Variants in RAP1GAP2 observed in about 807,000 individuals in gnomAD.
The protein encoded by RAP1GAP2 is RAP1 GTPase activating protein 2, also known as rap1 GTPase-activating protein 2.
In RAP1GAP2, 27 loss-of-function variants were observed where a neutral mutation model predicts 95.0. The observed-to-expected ratio is 0.28, with a 90% CI of 0.21 to 0.39. The LOEUF (loss-of-function observed/expected upper bound fraction) is 0.39, where lower values mean the gene tolerates loss of function less well. Among genes scored for constraint, RAP1GAP2 ranks in the 10% least tolerant of loss-of-function variants. The probability of loss-of-function intolerance (pLI) is 1.00; values close to 1 mark genes in which losing one functional copy is unlikely to be tolerated. For missense variants in RAP1GAP2, 771 were observed against 970.0 expected, an observed-to-expected ratio of 0.79 and a Z score of 2.72; for synonymous variants, 373 against 380.9, an observed-to-expected ratio of 0.98 and a Z score of 0.24.
rs1283926433 is a variant in RAP1GAP2, at chr17:2,857,465, G to A, written c.81-47819G>A. Among the ~76,000 whole-genome samples, 2 of 152,292 alleles carry A rather than the reference G, an allele frequency of 1.3e-5. No individual in the cohort carries two copies. Among genetic ancestry groups the A allele is most frequent in the South Asian group, 2.1e-4 (1 of 4,834 alleles). On this transcript the variant is annotated intron_variant, in intron 2 of 24. Coordinates refer to ENST00000254695, the MANE Select transcript of RAP1GAP2 (RefSeq NM_015085.5). The surrounding 1 kb of genome is among the most constrained non-coding windows in gnomAD (Gnocchi z 4.0). ...GCTCCAGGCTCCAACTTCAATTTCC[G>A]TTTTCGAGAAATGGGCGTGGTGATC... is the stretch of plus-strand genomic sequence containing the variant.
rs919273491 is a variant in RAP1GAP2 at position 2,855,604 on chromosome 17, T to TTTTATTTATTTA, written c.81-49668_81-49657dup. On this transcript the variant is annotated intron_variant, in intron 2 of 24. Transcript: ENST00000254695. This position sits in a 1 kb window ranked among gnomAD's most constrained non-coding sequence, Gnocchi z 4.3. ...ATATGAAGTCACAAGAATTAATCTA[T>TTTTATTTATTTA]TTTATTTATTTATTTATTTATTTTT... 5.1e-4 allele frequency among the ~76,000 whole-genome samples: 78 copies of TTTTATTTATTTA among 152,240 alleles called. No homozygotes were observed. Among genetic ancestry groups the TTTTATTTATTTA allele is most frequent in the African/African-American group, 1.6e-3 (65 of 41,548 alleles).
chr17:2,979,006 T>A (rs7211054), intron 8 of RAP1GAP2, among the ~76,000 whole-genome samples: 11,342 of 151,308 alleles, frequency 0.075, 1,254 homozygotes, highest in African/African-American at 0.24. Flanking sequence ...ATAAAAAAAA[T>A]AAAAAAATTC....
intron 2 of RAP1GAP2, among the ~76,000 whole-genome samples, chr17:2,771,592 C>T (rs760694589): frequency 2.7e-5 from 4 of 148,640 alleles, no homozygotes; most frequent in Admixed American, 6.8e-5. Context: ...CTCCTGGAGG[C>T]GATTCTCCTG....
intron 3 of RAP1GAP2, among the ~76,000 whole-genome samples, chr17:2,950,608 T>A (rs893543119): frequency 1.4e-4 from 2 of 14,206 alleles, no homozygotes; most frequent in South Asian, 5.4e-3. Context: ...TGCTTCAATT[T>A]TTTTTTTTTT....
intron 2 of RAP1GAP2, among the ~76,000 whole-genome samples, chr17:2,771,874 A>G (rs2068405808): frequency 6.6e-6 from 1 of 152,134 alleles, no homozygotes; most frequent in Non-Finnish European, 1.5e-5. Context: ...GAGATAAGTG[A>G]CTGAATTCAT....
intron 12 of RAP1GAP2, 119 bp from the exon 13 acceptor site, chr17:2,995,218 G>A: frequency 7.8e-7 from 1 of 1,288,832 alleles, no homozygotes; most frequent in South Asian, 1.3e-5. Context: ...TCTGCCCTCA[G>A]CTCTCCTGTC....
At chr17:3,019,624 T>C (rs2046887577) in intron 18 of RAP1GAP2, among the ~76,000 whole-genome samples, 1 of 152,230 alleles carries the variant, frequency 6.6e-6, no homozygotes, top group Non-Finnish European at 1.5e-5. Flanking sequence ...ATTATGAGTA[T>C]TATAAATGGC....
In RAP1GAP2 at chr17:2,903,482, G is replaced by A. The variant is rs2042091181; in HGVS notation, c.81-1802G>A. 6.6e-6 allele frequency among the ~76,000 whole-genome samples: 1 copy of A among 152,194 alleles called. No individual in the cohort carries two copies. The highest frequency in any genetic ancestry group is 6.5e-5 in the Admixed American group (1 of 15,282). Reference sequence around the variant, plus strand: ...TGAGAGGTAGCAGGAGCTGGTGCCTGCTTTTGTGTGTGTGTGAGAGTGTGT... The same window carrying A: ...TGAGAGGTAGCAGGAGCTGGTGCCTACTTTTGTGTGTGTGTGAGAGTGTGT... On this transcript the variant is annotated intron_variant, in intron 2 of 24. Transcript: ENST00000254695. The surrounding 1 kb of genome is among the most constrained non-coding windows in gnomAD (Gnocchi z 4.1).
chr17:2,800,430 C>T, intron 1 of RAP1GAP2, 85 bp from the exon 2 acceptor site: 1 of 1,035,866 alleles, frequency 9.7e-7, no homozygotes. Flanking sequence ...GTGGTTTGGG[C>T]TGTCCCGGGG....
At chr17:2,978,012 T>G (rs1322114797) in intron 8 of RAP1GAP2, among the ~76,000 whole-genome samples, 1 of 152,108 alleles carries the variant, frequency 6.6e-6, no homozygotes, top group Non-Finnish European at 1.5e-5. Context: ...AACACATCTG[T>G]TTATATCTTT....
chr17:2,877,051 G>A (rs1249384517), intron 2 of RAP1GAP2, among the ~76,000 whole-genome samples: 1 of 152,004 alleles, frequency 6.6e-6, no homozygotes, highest in East Asian at 1.9e-4. Flanking sequence ...GCCACACCCA[G>A]CTAATTTTTG....
intron 3 of RAP1GAP2, among the ~76,000 whole-genome samples, chr17:2,933,372 C>T (rs2043216048): frequency 6.6e-6 from 1 of 152,048 alleles, no homozygotes; most frequent in Admixed American, 6.5e-5. Context: ...CCAGCCGTGC[C>T]TCTGACACAG....
Position 2,874,196 on chromosome 17 carries a change from G to A in RAP1GAP2, c.81-31088G>A, listed in dbSNP as rs76262465. On this transcript the variant is annotated intron_variant, in intron 2 of 24. Coordinates refer to ENST00000254695, the MANE Select transcript of RAP1GAP2 (RefSeq NM_015085.5). ...TCTGTATTCTGCAGATTAAATAAGAGGCATAAGATTGAGCTCTGTGCCTGG... is the reference window on the plus strand; with the variant it reads ...TCTGTATTCTGCAGATTAAATAAGAAGCATAAGATTGAGCTCTGTGCCTGG... Among the ~76,000 whole-genome samples the A allele has an allele frequency of 2.4e-3, 363 of 152,282 alleles. 9 individuals carry two copies. The East Asian group carries it at 0.048, about 20-fold the overall frequency.
At chr17:2,899,197 A>C (rs2151716844) in intron 2 of RAP1GAP2, among the ~76,000 whole-genome samples, 1 of 151,780 alleles carries the variant, frequency 6.6e-6, no homozygotes, top group Non-Finnish European at 1.5e-5. Flanking sequence ...GTTTGTTTTT[A>C]TTTTTATTTT....
chr17:2,883,118 C>T (rs1322609139), intron 2 of RAP1GAP2, among the ~76,000 whole-genome samples: 3 of 152,206 alleles, frequency 2.0e-5, no homozygotes, highest in South Asian at 2.1e-4. Flanking sequence ...GGGGCTACCT[C>T]CATCTTCTCT....
At chr17:2,940,141 A>G (rs2043441408) in intron 3 of RAP1GAP2, among the ~76,000 whole-genome samples, 1 of 151,608 alleles carries the variant, frequency 6.6e-6, no homozygotes, top group African/African-American at 2.4e-5. Flanking sequence ...GGGGGTGGGG[A>G]ACAGAGCCTC....
chr17:2,939,247 AC>A (rs2043402613), intron 3 of RAP1GAP2, among the ~76,000 whole-genome samples: 1 of 151,800 alleles, frequency 6.6e-6, no homozygotes, highest in Non-Finnish European at 1.5e-5. Flanking sequence ...GCGCCACCAT[AC>A]CCAGCTAATT....
intron 3 of RAP1GAP2, 150 bp from the exon 4 acceptor site, chr17:2,957,609 A>C: frequency 2.1e-6 from 2 of 943,402 alleles, no homozygotes; most frequent in Non-Finnish European, 3.2e-6. Context: ...TGCAAAGGCA[A>C]AATCAAATTA....
intron 8 of RAP1GAP2, among the ~76,000 whole-genome samples, chr17:2,976,407 A>AG (rs777353393): frequency 1.6e-4 from 24 of 152,324 alleles, no homozygotes; most frequent in Non-Finnish European, 2.6e-4. Flanking sequence ...AAAATACTGG[A>AG]GGGGAAAAAA....
Sources: allele counts gnomAD v4.1 joint callset (sites outside exome capture counted in the v4.1 genomes callset), GRCh38; gene constraint gnomAD v4.1.1; non-coding constraint Gnocchi (gnomAD v3.1); transcripts MANE v1.5; gene names NCBI Gene and HGNC (gene_info 2026-07-23, HGNC 2026-07-21).